The following EGFR variants were observed in gnomAD, a reference collection of about 807,000 sequenced individuals.
EGFR encodes epidermal growth factor receptor, also known as avian erythroblastic leukemia viral (v-erb-b) oncogene homolog.
EGFR carries 58 observed loss-of-function variants against 143.0 expected under a neutral mutation model. The ratio of observed to expected loss-of-function variants is 0.41; its 90% CI spans 0.33 to 0.50. The LOEUF (loss-of-function observed/expected upper bound fraction) is 0.50. Among genes scored for constraint, EGFR ranks in the 20% least tolerant of loss-of-function variants. The pLI is 0.39. For synonymous variants in EGFR, 613 were observed against 594.4 expected, an observed-to-expected ratio of 1.03 and a Z score of -0.45; for missense variants, 1,307 against 1,579.0, an observed-to-expected ratio of 0.83 and a Z score of 2.92.
At chr7:55,032,602 G>A (rs966138418) in intron 1 of EGFR, among the ~76,000 whole-genome samples, 2 of 152,140 alleles carry the variant, frequency 1.3e-5, no homozygotes, top group African/African-American at 4.8e-5. Context: ...AGCTTTGCTG[G>A]CTGGTTAAGT....
intron 19 of EGFR, among the ~76,000 whole-genome samples, chr7:55,179,105 C>T (rs1254711035): frequency 3.3e-5 from 5 of 152,360 alleles, no homozygotes; most frequent in South Asian, 2.1e-4. Context: ...CACTGCAGAG[C>T]GCCAGCTAGA....
In EGFR at chr7:55,148,391, G is replaced by A. The variant is rs141055408; in HGVS notation, c.559+1651G>A. ...ACAACAACTGTGGGAAAGACCCACA[G>A]AGAAAGTGCTGGAAAGGGGAATGAT... On this transcript the variant is annotated intron_variant, in intron 4 of 27. Coordinates refer to ENST00000275493, the MANE Select transcript of EGFR (RefSeq NM_005228.5). Among the ~76,000 whole-genome samples, 510 of 152,238 alleles carry A rather than the reference G, an allele frequency of 3.4e-3. 1 individual carries two copies. Among genetic ancestry groups the A allele is most frequent in the African/African-American group, 9.1e-3 (378 of 41,548 alleles).
intron 1 of EGFR, among the ~76,000 whole-genome samples, chr7:55,129,085 A>G (rs1048248970): frequency 6.6e-6 from 1 of 152,280 alleles, no homozygotes; most frequent in Admixed American, 6.5e-5. Flanking sequence ...CTCAGATGAC[A>G]TGTTATCTCT....
chr7:55,158,517 G>A (rs766810938), intron 11 of EGFR, among the ~76,000 whole-genome samples: 64 of 152,166 alleles, frequency 4.2e-4, no homozygotes, highest in Non-Finnish European at 8.5e-4. Context: ...TGTGGCTACC[G>A]TTGCTTCCCA....
chr7:55,135,604 A>T (rs6947594), intron 1 of EGFR, among the ~76,000 whole-genome samples: 18 of 152,188 alleles, frequency 1.2e-4, no homozygotes, highest in African/African-American at 3.9e-4. Flanking sequence ...ATCCCACAAA[A>T]GTTTTGATTA....
In EGFR at chr7:55,083,234, A is replaced by G. The variant is rs566705411; in HGVS notation, c.89-59052A>G. On this transcript the variant is annotated intron_variant, in intron 1 of 27. Transcript: ENST00000275493. ...TATGCACTCGTTCTTGGAGACGTTGACTTTATTTAGTAGCATTAACCATGG... is the reference window on the plus strand; with the variant it reads ...TATGCACTCGTTCTTGGAGACGTTGGCTTTATTTAGTAGCATTAACCATGG... Among the ~76,000 whole-genome samples, 9 of 152,366 alleles carry G rather than the reference A, an allele frequency of 5.9e-5. No individual in the cohort carries two copies. In the South Asian group the frequency reaches 1.9e-3, roughly 32 times the overall value.
At position 55,206,049 on chromosome 7, in the gene EGFR, T is replaced by A; in HGVS notation, c.*432T>A. On this transcript the variant is annotated 3_prime_UTR_variant, in exon 28 of 28. Transcript: ENST00000275493. ...TACCCTGAGTTCATCCAGGCCCAAC[T>A]GTGAGCAAGGAGCACAAGCCACAAG... The A allele has an allele frequency of 2.8e-6, 1 of 356,830 alleles. No individual in the cohort carries two copies. The highest frequency in any genetic ancestry group is 3.6e-5 in the South Asian group (1 of 27,486). The allele number at this position is 356,830 out of a possible 1,614,324, so 22.1% of individuals were successfully genotyped here. A position where few individuals can be genotyped will look rare whatever the true frequency, so the allele number is the denominator to read the frequency against.
chr7:55,156,772 C>A lies in EGFR; in HGVS notation c.1147C>A (p.His383Asn), dbSNP rs755972013. The A allele has an allele frequency of 3.1e-6, 5 of 1,614,232 alleles. No individual in the cohort carries two copies. Among genetic ancestry groups the A allele is most frequent in the Non-Finnish European group, 2.5e-6 (3 of 1,180,048 alleles). The change falls in exon 10 of 28, where the codon CAT (histidine) becomes AAT (asparagine). Residue 383 changes from histidine (H) to asparagine (N), a missense_variant. His to Asn is a moderately conservative substitution (Grantham distance 68, BLOSUM62 1). Around this residue, in one of 7 missense-constraint regions of EGFR, gnomAD observed 250 missense variants for 295.1 expected, o/e 0.85. Coordinates refer to ENST00000275493, the MANE Select transcript of EGFR (RefSeq NM_005228.5). The stretch of plus-strand genomic sequence containing the variant: ...TGTTTGTTTCAGTGACTCCTTCACA[C>A]ATACTCCTCCTCTGGATCCACAGGA... ...PVAFRGDSFT[H>N]TPPLDPQELD...
At chr7:55,025,561 C>T (rs1786833345) in intron 1 of EGFR, among the ~76,000 whole-genome samples, 1 of 152,120 alleles carries the variant, frequency 6.6e-6, no homozygotes, top group East Asian at 1.9e-4. Flanking sequence ...TTGAAGTGCT[C>T]AGATGGAGAA....
intron 11 of EGFR, among the ~76,000 whole-genome samples, chr7:55,158,352 C>A (rs921303666): frequency 7.2e-5 from 11 of 152,132 alleles, no homozygotes; most frequent in African/African-American, 2.4e-4. Context: ...CTTAGTGAAA[C>A]CCGCCTTGGA....
intron 1 of EGFR, among the ~76,000 whole-genome samples, chr7:55,074,944 T>A (rs1790050886): frequency 6.6e-6 from 1 of 152,180 alleles, no homozygotes; most frequent in South Asian, 2.1e-4. Flanking sequence ...TTGGCAAAGG[T>A]TACTATTAAA....
In EGFR at chr7:55,161,495, G is replaced by A. The variant is rs577648478; in HGVS notation, c.1499-4G>A. 6.5e-5 allele frequency: 105 copies of A among 1,613,264 alleles called. No homozygotes were observed. The highest frequency in any genetic ancestry group is 3.3e-4 in the Middle Eastern group (2 of 6,062). Reference sequence around the variant, plus strand: ...GACTGCTGTGACCCACTCTGTCTCCGCAGAGGCCACAGGCCAGGTCTGCCA... The same window carrying A: ...GACTGCTGTGACCCACTCTGTCTCCACAGAGGCCACAGGCCAGGTCTGCCA... On this transcript the variant is annotated splice_polypyrimidine_tract_variant and splice_region_variant and intron_variant, in intron 12 of 27. Transcript: ENST00000275493.
At position 55,198,997 on chromosome 7, in the gene EGFR, A is replaced by G. The variant is rs1178988411; in HGVS notation, c.2848+134A>G. 7.8e-6 allele frequency: 9 copies of G among 1,152,446 alleles called. No homozygotes were observed. In the South Asian group the frequency reaches 1.2e-4, roughly 15 times the overall value. 71.4% of individuals were successfully genotyped at this position (1,152,446 alleles called of 1,614,324 possible). Reference sequence around the variant, plus strand: ...AAGGCAGGCACACAAATCCAGAAACATCTGTAAATACCCCTTCAAGCATTC... The same window carrying G: ...AAGGCAGGCACACAAATCCAGAAACGTCTGTAAATACCCCTTCAAGCATTC... On this transcript the variant is annotated intron_variant, in intron 23 of 27. Transcript: ENST00000275493.
At chr7:55,020,685 C>T (rs146352434) in intron 1 of EGFR, among the ~76,000 whole-genome samples, 83 of 152,016 alleles carry the variant, frequency 5.5e-4, no homozygotes, top group African/African-American at 1.9e-3. Flanking sequence ...ACCCACTTGA[C>T]AGGGGAAACA....
At chr7:55,028,201 G>A (rs1036981819) in intron 1 of EGFR, among the ~76,000 whole-genome samples, 9 of 151,732 alleles carry the variant, frequency 5.9e-5, no homozygotes, top group African/African-American at 1.2e-4. Context: ...CAGTCCTATC[G>A]TTTTACTTAT....
chr7:55,124,017 G>A (rs975308229), intron 1 of EGFR, among the ~76,000 whole-genome samples: 1 of 152,212 alleles, frequency 6.6e-6, no homozygotes, highest in Admixed American at 6.5e-5. Context: ...GAATGTACAT[G>A]TGTGCTTGGT....
chr7:55,122,276 C>G (rs1334531246), intron 1 of EGFR, among the ~76,000 whole-genome samples: 1 of 152,188 alleles, frequency 6.6e-6, no homozygotes, highest in East Asian at 1.9e-4. Context: ...TGGCAGCTCC[C>G]ATCTGGTCTC....
chr7:55,026,659 C>T (rs1786903860), intron 1 of EGFR, among the ~76,000 whole-genome samples: 1 of 152,174 alleles, frequency 6.6e-6, no homozygotes, highest in Non-Finnish European at 1.5e-5. Context: ...CGGAAAGATG[C>T]CTGCCCCAAG....
At chr7:55,174,148 C>T (rs2128954002) in intron 18 of EGFR, 105 bp downstream of exon 18, 1 of 1,492,224 alleles carries the variant, frequency 6.7e-7, no homozygotes, top group Non-Finnish European at 9.1e-7. Flanking sequence ...ATCTACTTTA[C>T]TCTTTGTTTC....
Sources: gnomAD v4.1 joint callset for allele counts (sites outside exome capture counted in the v4.1 genomes callset) on GRCh38, gnomAD v4.1.1 for gene constraint, gnomAD v4.1.1 regional missense constraint, MANE v1.5 for transcripts, NCBI Gene and HGNC (gene_info 2026-07-23, HGNC 2026-07-21) for gene names.